Variants in ARHGEF4 observed in about 807,000 individuals in gnomAD.
The protein encoded by ARHGEF4 is Rho guanine nucleotide exchange factor 4.
ARHGEF4 carries 119 observed loss-of-function variants against 162.0 expected under a neutral mutation model. That is an observed-to-expected ratio of 0.73 (90% CI 0.63 to 0.86). ARHGEF4 has a LOEUF of 0.86. Ranked by LOEUF, ARHGEF4 falls within the 40% of genes least tolerant of loss-of-function variation. The pLI, the probability that ARHGEF4 is intolerant of heterozygous loss-of-function variation, is 0.00. For synonymous variants in ARHGEF4, 1,014 were observed against 979.9 expected, an observed-to-expected ratio of 1.03 and a Z score of -0.65; for missense variants, 2,488 against 2,456.0, an observed-to-expected ratio of 1.01 and a Z score of -0.28.
At chr2:131,035,329 G>T in intron 5 of ARHGEF4, 1 of 1,161,278 alleles carries the variant, frequency 8.6e-7, no homozygotes, top group Non-Finnish European at 1.1e-6. Flanking sequence ...GTTGCCACCC[G>T]CGGCCTCCGC....
intron 2 of ARHGEF4, among the ~76,000 whole-genome samples, chr2:130,923,570 A>G (rs1455123949): frequency 6.6e-6 from 1 of 152,244 alleles, no homozygotes; most frequent in Non-Finnish European, 1.5e-5. Flanking sequence ...TGCAGCGGAC[A>G]CTGTACTGAA....
chr2:131,010,660 A>T (rs1350784918), intron 4 of ARHGEF4, among the ~76,000 whole-genome samples: 1 of 152,100 alleles, frequency 6.6e-6, no homozygotes, highest in Non-Finnish European at 1.5e-5. Flanking sequence ...CTTCCCTCAA[A>T]ACTGGTTAAC....
chr2:130,978,903 T>A (rs548748119), intron 4 of ARHGEF4, among the ~76,000 whole-genome samples: 43 of 152,310 alleles, frequency 2.8e-4, no homozygotes, highest in African/African-American at 1.0e-3. Flanking sequence ...GGGTTAGCAA[T>A]CTTCAGGAAC....
At chr2:130,877,040 A>T (rs1181436323) in intron 1 of ARHGEF4, among the ~76,000 whole-genome samples, 1 of 152,232 alleles carries the variant, frequency 6.6e-6, no homozygotes, top group Non-Finnish European at 1.5e-5. Context: ...TGCCAAAGTA[A>T]GATTATGAGG....
At chr2:130,846,571 G>A (rs1254141327) in intron 1 of ARHGEF4, among the ~76,000 whole-genome samples, 1 of 152,242 alleles carries the variant, frequency 6.6e-6, no homozygotes, top group African/African-American at 2.4e-5. Context: ...GGGACGGCGA[G>A]AGAGAAGGGA....
At chr2:130,851,183 C>A (rs11884245) in intron 1 of ARHGEF4, among the ~76,000 whole-genome samples, 5,752 of 152,372 alleles carry the variant, frequency 0.038, 371 homozygotes, top group African/African-American at 0.13. Flanking sequence ...TGGGATAGGA[C>A]CTGCCAGAGG....
chr2:130,925,899 A>T (rs1260624327), intron 2 of ARHGEF4, among the ~76,000 whole-genome samples: 1 of 151,854 alleles, frequency 6.6e-6, no homozygotes, highest in Non-Finnish European at 1.5e-5. Flanking sequence ...TATTTCTTTA[A>T]ATACTTTTTC....
At chr2:131,035,808 T>C (rs1690234747) in intron 5 of ARHGEF4, 1 of 985,170 alleles carries the variant, frequency 1.0e-6, no homozygotes, top group Non-Finnish European at 1.2e-6. Context: ...ACTGCGGGTG[T>C]TCACAGCTGC....
intron 3 of ARHGEF4, among the ~76,000 whole-genome samples, chr2:130,945,492 C>G (rs1343877728): frequency 3.3e-5 from 5 of 152,114 alleles, no homozygotes; most frequent in Admixed American, 6.6e-5. Context: ...TGGGAGAAAT[C>G]ATCACTCAAA....
intron 4 of ARHGEF4, among the ~76,000 whole-genome samples, chr2:130,993,699 A>G (rs1189903559): frequency 6.6e-6 from 1 of 152,142 alleles, no homozygotes; most frequent in Non-Finnish European, 1.5e-5. Flanking sequence ...CTTAAAGTCT[A>G]CTTTGACATA....
At chr2:130,897,317 C>T (rs752908991) in intron 1 of ARHGEF4, among the ~76,000 whole-genome samples, 19 of 152,202 alleles carry the variant, frequency 1.2e-4, no homozygotes, top group African/African-American at 2.4e-4. Context: ...TCCTGGGAGA[C>T]GCATGGTGGG....
intron 1 of ARHGEF4, among the ~76,000 whole-genome samples, chr2:130,881,927 C>G (rs1175118413): frequency 2.0e-5 from 3 of 152,030 alleles, no homozygotes; most frequent in Non-Finnish European, 4.4e-5. Flanking sequence ...GGTACCCCCT[C>G]TCTAGTCTGG....
chr2:130,868,961 C>T (rs1443349250), intron 1 of ARHGEF4, among the ~76,000 whole-genome samples: 1 of 152,210 alleles, frequency 6.6e-6, no homozygotes, highest in African/African-American at 2.4e-5. Context: ...CATCACCTTC[C>T]GGTGATCATA....
intron 1 of ARHGEF4, among the ~76,000 whole-genome samples, chr2:130,907,792 T>G (rs1008610229): frequency 6.6e-6 from 1 of 151,718 alleles, no homozygotes; most frequent in African/African-American, 2.4e-5. Context: ...CCATCTCTAC[T>G]AAACGTACAA....
chr2:130,849,492 G>A (rs1574092766), intron 1 of ARHGEF4, among the ~76,000 whole-genome samples: 1 of 152,026 alleles, frequency 6.6e-6, no homozygotes, highest in African/African-American at 2.4e-5. Context: ...GTCTGCCCTG[G>A]AACTTGAAGG....
At chr2:131,012,526 T>G (rs935844635) in intron 4 of ARHGEF4, among the ~76,000 whole-genome samples, 1 of 150,486 alleles carries the variant, frequency 6.6e-6, no homozygotes, top group Non-Finnish European at 1.5e-5. Flanking sequence ...ATCCCATATT[T>G]CTAGAGCAAG....
rs1475484328 is a variant in ARHGEF4 at position 130,915,146 on chromosome 2, G to A, written c.1200G>A (p.Leu400=). ...IPAFQSGAPH[L]QGPCKPGGFR... is the part of the protein sequence containing the mutation. ...CTTTTCAGAGTGGGGCTCCCCATCT[G>A]CAGGGTCCCTGCAAGCCTGGTGGGT... Residue 400 remains leucine (L), a synonymous_variant, in exon 2 of 14, where the codon CTG becomes CTA. Coordinates refer to ENST00000409359, the MANE Select transcript of ARHGEF4 (RefSeq NM_001367493.1). 6 of 1,550,512 alleles carry A rather than the reference G, an allele frequency of 3.9e-6. No individual in the cohort carries two copies. The African/African-American group carries it at 5.5e-5, about 14-fold the overall frequency.
At chr2:131,010,793 G>T (rs1234305041) in intron 4 of ARHGEF4, among the ~76,000 whole-genome samples, 1 of 152,182 alleles carries the variant, frequency 6.6e-6, no homozygotes, top group Non-Finnish European at 1.5e-5. Context: ...TGTGGCTGGG[G>T]TTACTTTGTT....
At chr2:130,945,662 A>G (rs1683566871) in intron 3 of ARHGEF4, among the ~76,000 whole-genome samples, 1 of 152,132 alleles carries the variant, frequency 6.6e-6, no homozygotes, top group Admixed American at 6.5e-5. Flanking sequence ...GAAACTCACC[A>G]CAGGATCAGT....
Sources: allele counts gnomAD v4.1 joint callset (sites outside exome capture counted in the v4.1 genomes callset), GRCh38; gene constraint gnomAD v4.1.1; transcripts MANE v1.5; gene names NCBI Gene and HGNC (gene_info 2026-07-23, HGNC 2026-07-21).